SPEF2: variants seen among roughly 807,000 people sequenced by gnomAD.
SPEF2 encodes sperm flagella and cilia-associated protein 2.
In SPEF2, 187 loss-of-function variants were observed where a neutral mutation model predicts 224.6. The observed-to-expected ratio is 0.83, with a 90% CI of 0.74 to 0.94. The LOEUF (loss-of-function observed/expected upper bound fraction) is 0.94. Among genes scored for constraint, SPEF2 ranks in the 40% least tolerant of loss-of-function variants. SPEF2 has a pLI of 0.00. For missense variants in SPEF2, 2,170 were observed against 2,135.6 expected (o/e 1.02, Z -0.32); for synonymous variants, 715 against 707.3 (o/e 1.01, Z -0.17).
At position 35,618,165 on chromosome 5, in the gene SPEF2, G is replaced by A. The variant is rs571629752; in HGVS notation, c.58+110G>A. The A allele has an allele frequency of 1.3e-5, 16 of 1,207,194 alleles. No individual in the cohort carries two copies. The African/African-American group carries it at 2.1e-4, about 16-fold the overall frequency. 74.8% of individuals were successfully genotyped at this position (1,207,194 alleles called of 1,614,324 possible). ...TGGCGGGCAGGGCGCGAGCTGCACA[G>A]GTGGGGCACCTGCGTAGCCGGCAGC... is the stretch of plus-strand genomic sequence containing the variant. On this transcript the variant is annotated intron_variant, in intron 1 of 36. Transcript: ENST00000356031.
At chr5:35,642,849 G>A (rs1315824789) in intron 3 of SPEF2, among the ~76,000 whole-genome samples, 1 of 152,142 alleles carries the variant, frequency 6.6e-6, no homozygotes, top group Non-Finnish European at 1.5e-5. Flanking sequence ...GGATATCATT[G>A]TAAGTCTGGT....
chr5:35,621,414 G>A (rs1312354063), intron 1 of SPEF2, among the ~76,000 whole-genome samples: 4 of 152,108 alleles, frequency 2.6e-5, no homozygotes, highest in Admixed American at 2.6e-4. Context: ...ATTTGTTCAA[G>A]GTCTTACAGC....
rs116340546 is a variant in SPEF2, at chr5:35,715,974, G to A, written c.2914+3088G>A. Among the ~76,000 whole-genome samples, 688 of 152,034 alleles carry A rather than the reference G, an allele frequency of 4.5e-3. 6 individuals are homozygous for A. Among genetic ancestry groups the A allele is most frequent in the African/African-American group, 0.016 (671 of 41,482 alleles). ...CAATAAATTAACTAAAGATTGAAATGCAGTATGCATGCATGCAATTTACTT... is the reference window on the plus strand; with the variant it reads ...CAATAAATTAACTAAAGATTGAAATACAGTATGCATGCATGCAATTTACTT... On this transcript the variant is annotated intron_variant, in intron 20 of 36. Coordinates refer to ENST00000356031, the MANE Select transcript of SPEF2 (RefSeq NM_024867.4).
chr5:35,641,349 A>T, intron 2 of SPEF2, 82 bp from the exon 3 acceptor site: 3 of 1,423,416 alleles, frequency 2.1e-6, no homozygotes, highest in Non-Finnish European at 2.9e-6. Flanking sequence ...AAAATATTGG[A>T]TAATGATAAT....
intron 10 of SPEF2, among the ~76,000 whole-genome samples, chr5:35,679,343 A>T (rs1487829936): frequency 3.3e-5 from 5 of 152,154 alleles, no homozygotes; most frequent in Admixed American, 2.0e-4. Flanking sequence ...CAGAGGCGGG[A>T]TCAAGCCAAG....
chr5:35,650,815 G>C (rs1748088204), intron 6 of SPEF2, among the ~76,000 whole-genome samples: 1 of 152,142 alleles, frequency 6.6e-6, no homozygotes, highest in African/African-American at 2.4e-5. Flanking sequence ...CAGACCCTAG[G>C]TCTCTATCAG....
At chr5:35,651,564 A>G (rs939353457) in intron 6 of SPEF2, among the ~76,000 whole-genome samples, 4 of 152,254 alleles carry the variant, frequency 2.6e-5, no homozygotes, top group Non-Finnish European at 4.4e-5. Context: ...AAACTTTTCA[A>G]GAAAACAGAG....
intron 24 of SPEF2, among the ~76,000 whole-genome samples, chr5:35,754,499 C>A (rs1336596459): frequency 6.6e-6 from 1 of 152,192 alleles, no homozygotes; most frequent in Non-Finnish European, 1.5e-5. Context: ...GGACTTGAAG[C>A]AATGCACCTA....
chr5:35,655,586 T>C (rs1017081068), intron 7 of SPEF2, among the ~76,000 whole-genome samples: 8 of 152,206 alleles, frequency 5.3e-5, no homozygotes, highest in Admixed American at 3.3e-4. Context: ...AGCAGAAGCA[T>C]GGATAAAGAG....
Position 35,740,219 on chromosome 5 carries a change from C to A in SPEF2, c.3282C>A (p.Asp1094Glu). Residue 1094 changes from aspartate to glutamate, a missense_variant, in exon 23 of 37, where the codon GAC (aspartate) becomes GAA (glutamate). Asp to Glu is a conservative substitution (Grantham distance 45, BLOSUM62 2). Coordinates refer to ENST00000356031, the MANE Select transcript of SPEF2 (RefSeq NM_024867.4). Reference sequence around the variant, plus strand: ...CTGATTTCAACTCCCTTCCTGATGACCTGTGGGATGATGAGGAAACAAAGG... The same window carrying A: ...CTGATTTCAACTCCCTTCCTGATGAACTGTGGGATGATGAGGAAACAAAGG... ...WQADFNSLPD[D>E]LWDDEETKAE... The A allele has an allele frequency of 6.2e-7, 1 of 1,614,042 alleles. No individual in the cohort carries two copies. Among genetic ancestry groups the A allele is most frequent in the Non-Finnish European group, 8.5e-7 (1 of 1,180,002 alleles).
intron 10 of SPEF2, among the ~76,000 whole-genome samples, chr5:35,673,912 A>C (rs1290173467): frequency 6.6e-6 from 1 of 152,154 alleles, no homozygotes; most frequent in East Asian, 1.9e-4. Flanking sequence ...AATGACCTTT[A>C]TTACCACCAG....
chr5:35,720,077 C>T (rs566711513), intron 20 of SPEF2, among the ~76,000 whole-genome samples: 2 of 152,312 alleles, frequency 1.3e-5, no homozygotes, highest in South Asian at 4.1e-4. Context: ...ACCACTTTCT[C>T]CAATTGTGTC....
rs1166695088 is a variant in SPEF2 at position 35,617,940 on chromosome 5, G to A, written c.-58G>A. The A allele has an allele frequency of 2.6e-6, 4 of 1,529,402 alleles. No individual in the cohort carries two copies. The East Asian group carries it at 9.7e-5, about 37-fold the overall frequency. The allele number at this position is 1,529,402 out of a possible 1,614,324, so 94.7% of individuals were successfully genotyped here. A position where few individuals can be genotyped will look rare whatever the true frequency, so the allele number is the denominator to read the frequency against. ...GCTACAGGAGGACGCGGGCTGGCAGGCTTGGTTCCTGGCGAGTTTCTAAGC... is the reference window on the plus strand; with the variant it reads ...GCTACAGGAGGACGCGGGCTGGCAGACTTGGTTCCTGGCGAGTTTCTAAGC... On this transcript the variant is annotated 5_prime_UTR_variant, in exon 1 of 37. Coordinates refer to ENST00000356031, the MANE Select transcript of SPEF2 (RefSeq NM_024867.4).
Position 35,667,247 on chromosome 5 carries a change from T to C in SPEF2, c.1343T>C (p.Met448Thr), listed in dbSNP as rs753467023. Residue 448 changes from methionine to threonine, a missense_variant, in exon 9 of 37, where the codon ATG (methionine) becomes ACG (threonine). Physicochemically the swap from Met to Thr is moderately conservative, Grantham distance 81 (BLOSUM62 -1). Transcript: ENST00000356031. ...DLSTKVADYR[M>T]LTNNLIPYKL... ...TCCACTAAAGTGGCAGACTATCGAA[T>C]GTTGACAAATAAGTAAGTATTTTTT... is the stretch of plus-strand genomic sequence containing the variant. 14 of 1,596,692 alleles carry C rather than the reference T, an allele frequency of 8.8e-6. No individual in the cohort carries two copies. Among genetic ancestry groups the C allele is most frequent in the South Asian group, 2.3e-5 (2 of 87,884 alleles).
intron 10 of SPEF2, among the ~76,000 whole-genome samples, chr5:35,675,366 C>T (rs892720895): frequency 2.6e-5 from 4 of 152,162 alleles, no homozygotes; most frequent in African/African-American, 9.7e-5. Flanking sequence ...GAAATATTCT[C>T]ATATCATTCT....
chr5:35,734,902 G>C lies in SPEF2; in HGVS notation c.3064-5017G>C, dbSNP rs925626548. Reference sequence around the variant, plus strand: ...AATTTTTGTATTTTTAATAGAGATGGGGTTTCACCATGTTGGCCAGGATGG... The same window carrying C: ...AATTTTTGTATTTTTAATAGAGATGCGGTTTCACCATGTTGGCCAGGATGG... On this transcript the variant is annotated intron_variant, in intron 21 of 36. Transcript: ENST00000356031. Among the ~76,000 whole-genome samples the C allele has an allele frequency of 2.0e-5, 3 of 151,550 alleles. No homozygotes were observed. The South Asian group carries it at 6.3e-4, about 32-fold the overall frequency.
At chr5:35,695,483 A>C (rs967986228) in intron 13 of SPEF2, among the ~76,000 whole-genome samples, 2 of 152,028 alleles carry the variant, frequency 1.3e-5, no homozygotes, top group African/African-American at 4.8e-5. Context: ...CAGATCATGC[A>C]GGAAGGGAGC....
At chr5:35,691,415 C>T (rs1456511306) in intron 11 of SPEF2, among the ~76,000 whole-genome samples, 159 bp downstream of exon 11, 1 of 152,156 alleles carries the variant, frequency 6.6e-6, no homozygotes, top group African/African-American at 2.4e-5. Context: ...TACGATTATT[C>T]AGCCATAAAA....
intron 21 of SPEF2, among the ~76,000 whole-genome samples, chr5:35,734,965 C>T (rs540354582): frequency 2.0e-5 from 3 of 152,186 alleles, no homozygotes; most frequent in South Asian, 4.1e-4. Flanking sequence ...CCACCTTGGC[C>T]TCCCAAAGTG....
Sources: allele counts gnomAD v4.1 joint callset (sites outside exome capture counted in the v4.1 genomes callset), GRCh38; gene constraint gnomAD v4.1.1; transcripts MANE v1.5; gene names NCBI Gene and HGNC (gene_info 2026-07-23, HGNC 2026-07-21).